Variants in MRE11 observed in about 807,000 individuals in gnomAD.
MRE11 encodes MRE11 double strand break repair nuclease.
Under a neutral mutation model 91.7 loss-of-function variants are expected in MRE11, and 62 were observed. The ratio of observed to expected loss-of-function variants is 0.68; its 90% CI spans 0.55 to 0.84. MRE11 has a LOEUF of 0.84. Among genes scored for constraint, MRE11 ranks in the 40% least tolerant of loss-of-function variants. MRE11 has a pLI of 0.00. For synonymous variants in MRE11, 273 were observed against 271.4 expected (o/e 1.01, Z -0.06); for missense variants, 796 against 852.9 (o/e 0.93, Z 0.83).
intron 7 of MRE11, chr11:94,475,433 G>C: frequency 2.9e-6 from 1 of 347,914 alleles, no homozygotes; most frequent in South Asian, 2.3e-5. Flanking sequence ...GATACCAAGG[G>C]ACAACTGTAA....
chr11:94,442,422 G>A (rs539615568), intron 16 of MRE11, among the ~76,000 whole-genome samples: 3 of 152,012 alleles, frequency 2.0e-5, no homozygotes, highest in African/African-American at 4.8e-5. Flanking sequence ...TGGAGTCAAG[G>A]AAAGCTTAAC....
At chr11:94,463,728 C>T (rs1013376592) in intron 11 of MRE11, among the ~76,000 whole-genome samples, 1 of 146,096 alleles carries the variant, frequency 6.8e-6, no homozygotes, top group Non-Finnish European at 1.5e-5. Context: ...GGGAATTGAA[C>T]AATGAGAACA....
At chr11:94,465,245 A>G (rs1003351263) in intron 10 of MRE11, among the ~76,000 whole-genome samples, 1 of 152,180 alleles carries the variant, frequency 6.6e-6, no homozygotes, top group African/African-American at 2.4e-5. Flanking sequence ...TAGGAAAAGA[A>G]ATGCCAATTT....
chr11:94,444,128 C>G (rs577245632), intron 16 of MRE11, among the ~76,000 whole-genome samples: 1 of 151,878 alleles, frequency 6.6e-6, no homozygotes, highest in Non-Finnish European at 1.5e-5. Context: ...AGACTGGTTT[C>G]GATCTCCTGA....
At chr11:94,504,898 G>T in the MRE11 span, among the ~76,000 whole-genome samples, 1 of 152,168 alleles carries the variant, frequency 6.6e-6, no homozygotes, top group Middle Eastern at 3.4e-3. Flanking sequence ...GGTCATGTTG[G>T]TCTTTTCCAT....
intron 14 of MRE11, among the ~76,000 whole-genome samples, chr11:94,450,485 T>A (rs1340396876): frequency 7.9e-5 from 12 of 152,174 alleles, no homozygotes; most frequent in Admixed American, 7.9e-4. Flanking sequence ...TTTTAGCTGA[T>A]ACATAACAGG....
intron 7 of MRE11, among the ~76,000 whole-genome samples, chr11:94,476,036 G>A (rs1377997689): frequency 6.6e-6 from 1 of 152,164 alleles, no homozygotes; most frequent in Non-Finnish European, 1.5e-5. Context: ...CCAACAAAAA[G>A]ATTCTACCTT....
chr11:94,437,288 A>G (rs940418934), intron 16 of MRE11, 53 bp from the exon 17 acceptor site: 11 of 1,553,678 alleles, frequency 7.1e-6, no homozygotes, highest in Non-Finnish European at 9.7e-6. Flanking sequence ...ATAACTTAGA[A>G]AAACTTGCAT....
intron 18 of MRE11, among the ~76,000 whole-genome samples, chr11:94,431,915 C>A (rs1022653268): frequency 1.3e-5 from 2 of 151,928 alleles, no homozygotes; most frequent in African/African-American, 4.8e-5. Context: ...CTTTAATATC[C>A]TTAAGCATAT....
chr11:94,457,851 A>ACTCTTT (rs1390098082), intron 13 of MRE11, among the ~76,000 whole-genome samples: 1 of 144,436 alleles, frequency 6.9e-6, no homozygotes, highest in African/African-American at 2.6e-5. Context: ...ACTCACACAC[A>ACTCTTT]CTCTTTCTCT....
At chr11:94,503,826 C>CAAAAA in the MRE11 span, among the ~76,000 whole-genome samples, 17 of 87,104 alleles carry the variant, frequency 2.0e-4, no homozygotes, top group South Asian at 4.5e-4. Flanking sequence ...GACTCCGTCT[C>CAAAAA]AAAAAAAAAA....
chr11:94,456,522 A>C (rs571585160), intron 13 of MRE11, among the ~76,000 whole-genome samples, 184 bp from the exon 14 acceptor site: 1 of 152,326 alleles, frequency 6.6e-6, no homozygotes, highest in East Asian at 1.9e-4. Flanking sequence ...TCTTAAAAAA[A>C]AAAACTCATA....
At chr11:94,448,549 T>G (rs1946010029) in intron 14 of MRE11, among the ~76,000 whole-genome samples, 1 of 152,036 alleles carries the variant, frequency 6.6e-6, no homozygotes, top group African/African-American at 2.4e-5. Context: ...GGGGAGTTGT[T>G]GCAGTGAGCT....
chr11:94,474,117 A>C (rs1946788868), intron 7 of MRE11, among the ~76,000 whole-genome samples: 1 of 152,164 alleles, frequency 6.6e-6, no homozygotes, highest in African/African-American at 2.4e-5. Flanking sequence ...AAGCACACCT[A>C]GTACGCATTT....
chr11:94,436,818 G>T (rs1252219819), intron 17 of MRE11, among the ~76,000 whole-genome samples: 1 of 152,066 alleles, frequency 6.6e-6, no homozygotes, highest in East Asian at 1.9e-4. Context: ...CTAGTATTTT[G>T]GGAAGATAAG....
chr11:94,497,904 GTCCTC>G, upstream of MRE11: 2 of 590,088 alleles, frequency 3.4e-6, no homozygotes, highest in Non-Finnish European at 5.9e-6. Flanking sequence ...TAAATCAGTA[GTCCTC>G]TCCTCCCCAA....
In MRE11 at chr11:94,456,314, G is replaced by C; in HGVS notation, c.1525C>G (p.Gln509Glu). ...EEVRRFRETR[Q>E]KNTNEEDDEV... ...TCATCTTCTTCATTAGTATTTTTTT[G>C]TCTGGTTTCTCTGAAACGACGTACC... is the stretch of plus-strand genomic sequence containing the variant. The change falls in exon 14 of 20, where the codon CAA becomes GAA. Residue 509 changes from glutamine to glutamate, a missense_variant. Physicochemically the swap from Gln to Glu is conservative, Grantham distance 29 (BLOSUM62 2). Coordinates refer to ENST00000323929, the MANE Select transcript of MRE11 (RefSeq NM_005591.4). 6.2e-7 allele frequency: 1 copy of C among 1,613,162 alleles called. No individual in the cohort carries two copies. The highest frequency in any genetic ancestry group is 8.5e-7 in the Non-Finnish European group (1 of 1,179,720).
intron 1 of MRE11, among the ~76,000 whole-genome samples, chr11:94,493,339 G>C (rs1322041598): frequency 6.6e-6 from 1 of 152,144 alleles, no homozygotes; most frequent in African/African-American, 2.4e-5. Context: ...GACCTGGCTA[G>C]TTTGGAAAAG....
At chr11:94,432,530 C>G (rs1340064046) in intron 18 of MRE11, among the ~76,000 whole-genome samples, 1 of 152,172 alleles carries the variant, frequency 6.6e-6, no homozygotes, top group Non-Finnish European at 1.5e-5. Flanking sequence ...TTATCTGGGA[C>G]GAGCACGGTG....
Sources: gnomAD v4.1 joint callset for allele counts (sites outside exome capture counted in the v4.1 genomes callset) on GRCh38, gnomAD v4.1.1 for gene constraint, MANE v1.5 for transcripts, NCBI Gene and HGNC (gene_info 2026-07-23, HGNC 2026-07-21) for gene names.